The following DMD variants were observed in gnomAD, a reference collection of about 807,000 sequenced individuals.
DMD encodes mutant dystrophin.
A neutral mutation model predicts 330.1 loss-of-function variants in DMD; 63 were observed. The ratio of observed to expected loss-of-function variants is 0.19; its 90% CI spans 0.16 to 0.24. DMD has a LOEUF of 0.24. Ranked by LOEUF, DMD falls within the 10% of genes least tolerant of loss-of-function variation. The pLI, the probability that DMD is intolerant of heterozygous loss-of-function variation, is 1.00. For missense variants in DMD, 3,344 were observed against 2,684.1 expected, an observed-to-expected ratio of 1.25 and a Z score of -5.43; for synonymous variants, 1,223 against 959.8, an observed-to-expected ratio of 1.27 and a Z score of -5.07.
chrX:31,308,654 T>G (rs1250571994), intron 62 of DMD, among the ~76,000 whole-genome samples: 1 of 111,640 alleles, frequency 9.0e-6, no homozygotes, highest in Non-Finnish European at 1.9e-5. Context: ...TCAAGTGATC[T>G]TCCTGCTTCG....
intron 2 of DMD, among the ~76,000 whole-genome samples, chrX:32,940,243 C>A (rs1332336200): frequency 8.9e-6 from 1 of 111,860 alleles, no homozygotes; most frequent in Non-Finnish European, 1.9e-5. Context: ...GTATTGTATA[C>A]TTGAAATTTG....
At chrX:32,460,532 G>C (rs2148397800) in intron 25 of DMD, among the ~76,000 whole-genome samples, 1 of 111,016 alleles carries the variant, frequency 9.0e-6, no homozygotes, top group East Asian at 2.8e-4. Context: ...CAAAGTACTT[G>C]ACATAATGAC....
intron 1 of DMD, among the ~76,000 whole-genome samples, chrX:33,301,422 T>A (rs762383882): frequency 2.5e-4 from 28 of 112,020 alleles, no homozygotes; most frequent in African/African-American, 8.7e-4. Flanking sequence ...AATGATCTTA[T>A]GCCCTTGTGA....
rs139638587 is a variant in DMD, at chrX:32,510,978, A to G, written c.2292+7030T>C. Among the ~76,000 whole-genome samples, 887 of 109,323 alleles carry G rather than the reference A, an allele frequency of 8.1e-3. 19 individuals carry two copies. The highest frequency in any genetic ancestry group is 0.063 in the Admixed American group (643 of 10,287). 94.9% of individuals were successfully genotyped at this position (109,323 alleles called of 115,157 possible). Reference sequence around the variant, plus strand: ...CTCTGATCTTCCACCTCCTCTCTCTATGTGTGTGTATGTACATATATGTAC... The same window carrying G: ...CTCTGATCTTCCACCTCCTCTCTCTGTGTGTGTGTATGTACATATATGTAC... On this transcript the variant is annotated intron_variant, in intron 18 of 78. Coordinates refer to ENST00000357033, the MANE Select transcript of DMD (RefSeq NM_004006.3).
intron 7 of DMD, among the ~76,000 whole-genome samples, chrX:32,792,505 C>T (rs1213323601): frequency 8.9e-6 from 1 of 111,795 alleles, no homozygotes; most frequent in Non-Finnish European, 1.9e-5. Flanking sequence ...AAACATTCCA[C>T]ATAAAAGACA....
chrX:32,476,850 T>C (rs187685986), intron 21 of DMD, among the ~76,000 whole-genome samples: 2 of 111,688 alleles, frequency 1.8e-5, no homozygotes, highest in African/African-American at 6.5e-5. Context: ...ACCAGCTCCA[T>C]CTACGGAAAC....
chrX:32,380,442 T>A, intron 34 of DMD, 68 bp downstream of exon 34: 2 of 1,002,252 alleles, frequency 2.0e-6, no homozygotes, highest in African/African-American at 1.9e-5. Context: ...ATGTTAATAC[T>A]TCCTTACAAA....
At chrX:31,510,857 C>T (rs962882925) in intron 55 of DMD, among the ~76,000 whole-genome samples, 1 of 111,077 alleles carries the variant, frequency 9.0e-6, no homozygotes, top group Non-Finnish European at 1.9e-5. Context: ...CCTGGACCAC[C>T]TGTGAGCAAA....
chrX:32,155,052 C>T (rs1298329839), intron 44 of DMD, among the ~76,000 whole-genome samples: 1 of 106,244 alleles, frequency 9.4e-6, no homozygotes, highest in Non-Finnish European at 1.9e-5. Context: ...GCTACTTGCC[C>T]TTGCTGTGTT....
At chrX:33,317,630 CCT>C (rs1320795098) in intron 1 of DMD, among the ~76,000 whole-genome samples, 1 of 111,411 alleles carries the variant, frequency 9.0e-6, no homozygotes, top group Non-Finnish European at 1.9e-5. Flanking sequence ...GTTTTACCCC[CCT>C]CTTTTTGAGA....
intron 1 of DMD, among the ~76,000 whole-genome samples, chrX:33,197,022 G>A (rs904420677): frequency 7.2e-5 from 8 of 110,761 alleles, no homozygotes; most frequent in African/African-American, 1.6e-4. Flanking sequence ...TATAGAATAC[G>A]GCCTCCATCA....
intron 52 of DMD, 151 bp downstream of exon 52, chrX:31,729,480 A>G (rs2149016768): frequency 1.8e-6 from 1 of 543,737 alleles, no homozygotes; most frequent in African/African-American, 2.3e-5. Flanking sequence ...AAAAGGTAAC[A>G]TTATGGACTG....
chrX:31,958,227 A>C (rs975574600), intron 45 of DMD, among the ~76,000 whole-genome samples: 6 of 108,310 alleles, frequency 5.5e-5, no homozygotes, highest in African/African-American at 2.0e-4. Flanking sequence ...CCAAGTAAGG[A>C]GTCTGACTGG....
At chrX:32,012,665 A>G (rs2095719318) in intron 44 of DMD, among the ~76,000 whole-genome samples, 1 of 111,784 alleles carries the variant, frequency 8.9e-6, no homozygotes. Context: ...CATGTAGTGG[A>G]GGCAGTTACG....
intron 44 of DMD, among the ~76,000 whole-genome samples, chrX:32,087,372 T>G (rs1036351669): frequency 6.3e-5 from 7 of 111,778 alleles, no homozygotes; most frequent in Non-Finnish European, 9.4e-5. Flanking sequence ...GAAATGTTAA[T>G]TTCTGCAGCT....
At chrX:32,535,743 G>A (rs2047891336) in intron 17 of DMD, among the ~76,000 whole-genome samples, 1 of 111,233 alleles carries the variant, frequency 9.0e-6, no homozygotes, top group Non-Finnish European at 1.9e-5. Flanking sequence ...TTAAATCACA[G>A]TGATTTTGTT....
chrX:31,950,532 A>T (rs1213927390), intron 45 of DMD, among the ~76,000 whole-genome samples: 2 of 110,726 alleles, frequency 1.8e-5, no homozygotes, highest in African/African-American at 6.5e-5. Flanking sequence ...GAATTCTTCT[A>T]TATTGTTGCT....
chrX:33,222,582 G>A (rs916311550), intron 1 of DMD, among the ~76,000 whole-genome samples: 3 of 112,039 alleles, frequency 2.7e-5, no homozygotes, highest in African/African-American at 6.5e-5. Flanking sequence ...CATACAGATG[G>A]GAAAGGAAGA....
chrX:32,447,226 T>C (rs1375964264), intron 27 of DMD, among the ~76,000 whole-genome samples: 3 of 110,758 alleles, frequency 2.7e-5, no homozygotes, highest in Non-Finnish European at 3.8e-5. Flanking sequence ...TCTTGAGACA[T>C]GTACAGTGCC....
Sources: allele counts gnomAD v4.1 joint callset (sites outside exome capture counted in the v4.1 genomes callset), GRCh38; gene constraint gnomAD v4.1.1; transcripts MANE v1.5; gene names NCBI Gene and HGNC (gene_info 2026-07-23, HGNC 2026-07-21).